Variants in HMGCLL1 observed in about 807,000 individuals in gnomAD.
The protein encoded by HMGCLL1 is 3-hydroxymethyl-3-methylglutaryl-CoA lyase, cytoplasmic.
A neutral mutation model predicts 39.1 loss-of-function variants in HMGCLL1; 36 were observed. The observed-to-expected ratio is 0.92, with a 90% CI of 0.71 to 1.22. The LOEUF (loss-of-function observed/expected upper bound fraction) is 1.22. Among genes scored for constraint, HMGCLL1 ranks in the 50% most tolerant of loss-of-function variants. The probability of loss-of-function intolerance (pLI) is 0.00; values close to 1 mark genes in which losing one functional copy is unlikely to be tolerated. For missense variants in HMGCLL1, 451 were observed against 416.5 expected, an observed-to-expected ratio of 1.08 and a Z score of -0.72; for synonymous variants, 149 against 144.0, an observed-to-expected ratio of 1.03 and a Z score of -0.25.
chr6:55,542,275 TATC>T, intron 1 of HMGCLL1, 135 bp from the exon 2 acceptor site: 1 of 537,246 alleles, frequency 1.9e-6, no homozygotes, highest in Non-Finnish European at 3.3e-6. Flanking sequence ...AATACAATGA[TATC>T]ATGAAAATGC....
At chr6:55,636,725 A>G in the HMGCLL1 span, among the ~76,000 whole-genome samples, 328 of 152,302 alleles carry the variant, frequency 2.2e-3, no homozygotes, top group Middle Eastern at 6.8e-3. Flanking sequence ...TACAGGCAAA[A>G]TGGTATCACT....
chr6:55,439,653 A>C (rs978574528), intron 7 of HMGCLL1, 94 bp from the exon 8 acceptor site: 37 of 1,321,906 alleles, frequency 2.8e-5, no homozygotes, highest in Admixed American at 7.7e-5. Flanking sequence ...CAAATAAGCA[A>C]AATCTGAACT....
At chr6:55,577,344 T>TA (rs35853188) in intron 1 of HMGCLL1, among the ~76,000 whole-genome samples, 45,703 of 145,942 alleles carry the variant, frequency 0.31, 7,057 homozygotes, top group South Asian at 0.41. Context: ...AGGGCTGGAC[T>TA]AAAAAAAAAA....
the HMGCLL1 span, among the ~76,000 whole-genome samples, chr6:55,652,108 GT>G: frequency 3.9e-5 from 6 of 152,126 alleles, no homozygotes; most frequent in African/African-American, 1.4e-4. Context: ...GCAGACAGTT[GT>G]CAAAATTTGG....
chr6:55,482,775 T>A (rs144422837), intron 7 of HMGCLL1, among the ~76,000 whole-genome samples: 302 of 152,214 alleles, frequency 2.0e-3, no homozygotes, highest in Non-Finnish European at 2.9e-3. Context: ...AACCTCAACT[T>A]TTTTTACCTC....
At chr6:55,531,409 G>A (rs1038709723) in intron 3 of HMGCLL1, among the ~76,000 whole-genome samples, 5 of 152,088 alleles carry the variant, frequency 3.3e-5, no homozygotes, top group Non-Finnish European at 7.4e-5. Flanking sequence ...AAATGTCAAT[G>A]CATGCACACA....
the HMGCLL1 span, among the ~76,000 whole-genome samples, chr6:55,585,656 T>C: frequency 6.6e-6 from 1 of 152,108 alleles, no homozygotes; most frequent in East Asian, 1.9e-4. Context: ...AACTGCTCAA[T>C]AACTCAGCTT....
chr6:55,604,137 AG>A, the HMGCLL1 span, among the ~76,000 whole-genome samples: 1 of 152,148 alleles, frequency 6.6e-6, no homozygotes, highest in African/African-American at 2.4e-5. Context: ...AAGTGCAGCA[AG>A]GGAGTTGGCC....
the HMGCLL1 span, among the ~76,000 whole-genome samples, chr6:55,651,803 T>C: frequency 3.3e-5 from 5 of 152,110 alleles, no homozygotes; most frequent in African/African-American, 1.2e-4. Context: ...CTAGGGCTGG[T>C]CTAAATGTTG....
chr6:55,552,754 C>A (rs544302630), intron 1 of HMGCLL1, among the ~76,000 whole-genome samples: 6 of 151,940 alleles, frequency 3.9e-5, no homozygotes, highest in Admixed American at 3.9e-4. Flanking sequence ...GAAGGAGATA[C>A]CCTAGTTAAA....
intron 4 of HMGCLL1, among the ~76,000 whole-genome samples, chr6:55,515,210 G>C (rs532130057): frequency 2.0e-5 from 3 of 149,536 alleles, no homozygotes; most frequent in South Asian, 2.1e-4. Flanking sequence ...TCAAGATCAC[G>C]CCACTGCACT....
At chr6:55,513,861 T>C in intron 5 of HMGCLL1, 187 bp downstream of exon 5, 2 of 559,680 alleles carry the variant, frequency 3.6e-6, no homozygotes, top group Non-Finnish European at 6.1e-6. Flanking sequence ...ACAAGCTAGA[T>C]ACTCACTAAT....
the HMGCLL1 span, among the ~76,000 whole-genome samples, chr6:55,640,901 TA>T: frequency 1.3e-5 from 2 of 151,958 alleles, no homozygotes; most frequent in Non-Finnish European, 2.9e-5. Context: ...ACAGTTTTCA[TA>T]TGTTCAAAGA....
chr6:55,652,846 A>G, the HMGCLL1 span, among the ~76,000 whole-genome samples: 4 of 152,094 alleles, frequency 2.6e-5, no homozygotes, highest in Non-Finnish European at 4.4e-5. Context: ...AAAAATTGTC[A>G]AATTAAGAGC....
At chr6:55,520,606 C>A (rs1049632776) in intron 3 of HMGCLL1, among the ~76,000 whole-genome samples, 2 of 150,930 alleles carry the variant, frequency 1.3e-5, no homozygotes, top group Non-Finnish European at 3.0e-5. Context: ...ATTTTTTTTT[C>A]TCTTGGGGAG....
chr6:55,633,690 G>A, the HMGCLL1 span, among the ~76,000 whole-genome samples: 610 of 152,112 alleles, frequency 4.0e-3, 2 homozygotes, highest in Middle Eastern at 0.014. Flanking sequence ...GTAAACCAAC[G>A]TTGATGAGCA....
intron 4 of HMGCLL1, 23 bp from the exon 5 acceptor site, chr6:55,514,219 C>T (rs754637204): frequency 1.9e-6 from 3 of 1,575,194 alleles, no homozygotes; most frequent in Non-Finnish European, 2.6e-6. Flanking sequence ...TAATTTAAAG[C>T]CAAATCTAAT....
At chr6:55,567,330 T>C (rs1446356306) in intron 1 of HMGCLL1, among the ~76,000 whole-genome samples, 1 of 152,110 alleles carries the variant, frequency 6.6e-6, no homozygotes, top group Non-Finnish European at 1.5e-5. Flanking sequence ...AAAATTATTT[T>C]TGTAAAGTGA....
chr6:55,545,083 C>G (rs555685839), intron 1 of HMGCLL1, among the ~76,000 whole-genome samples: 3 of 151,892 alleles, frequency 2.0e-5, no homozygotes, highest in Non-Finnish European at 4.4e-5. Flanking sequence ...GAAACAAAAA[C>G]AAAACTAGGC....
Sources: allele counts gnomAD v4.1 joint callset (sites outside exome capture counted in the v4.1 genomes callset), GRCh38; gene constraint gnomAD v4.1.1; transcripts MANE v1.5; gene names NCBI Gene and HGNC (gene_info 2026-07-23, HGNC 2026-07-21).